MACROD2: variants seen among roughly 807,000 people sequenced by gnomAD.
MACROD2 encodes the protein ADP-ribose glycohydrolase MACROD2.
MACROD2 carries 36 observed loss-of-function variants against 70.4 expected under a neutral mutation model. The observed-to-expected ratio is 0.51, with a 90% CI of 0.39 to 0.68. The LOEUF (loss-of-function observed/expected upper bound fraction) is 0.68, where lower values mean the gene tolerates loss of function less well. Among genes scored for constraint, MACROD2 ranks in the 30% least tolerant of loss-of-function variants. MACROD2 has a pLI of 0.00. For missense variants in MACROD2, 496 were observed against 538.4 expected, an observed-to-expected ratio of 0.92 and a Z score of 0.78; for synonymous variants, 172 against 178.8, an observed-to-expected ratio of 0.96 and a Z score of 0.30.
chr20:15,618,871 A>G (rs151297565), intron 8 of MACROD2, among the ~76,000 whole-genome samples: 6,042 of 152,300 alleles, frequency 0.04, 199 homozygotes, highest in African/African-American at 0.084. Context: ...GAGTTTTATT[A>G]TTCAAATCAG....
intron 3 of MACROD2, among the ~76,000 whole-genome samples, chr20:14,130,989 A>G (rs2054711394): frequency 6.7e-6 from 1 of 148,604 alleles, no homozygotes; most frequent in Admixed American, 6.7e-5. Flanking sequence ...AAGTAGCTCA[A>G]TCATAGCTTA....
chr20:15,265,407 G>A (rs2090535499), intron 6 of MACROD2, among the ~76,000 whole-genome samples: 1 of 152,188 alleles, frequency 6.6e-6, no homozygotes, highest in Non-Finnish European at 1.5e-5. Context: ...AGTGGGTTCT[G>A]TGCACCTCGA....
chr20:14,067,063 G>A (rs1475274780), intron 2 of MACROD2, among the ~76,000 whole-genome samples: 1 of 150,558 alleles, frequency 6.6e-6, no homozygotes, highest in African/African-American at 2.4e-5. Context: ...CGCCCGTCTC[G>A]GCCTCCCAAA....
intron 8 of MACROD2, among the ~76,000 whole-genome samples, chr20:15,538,964 T>A (rs1009278704): frequency 6.6e-5 from 10 of 152,118 alleles, no homozygotes; most frequent in African/African-American, 2.2e-4. Context: ...TGGGCATACC[T>A]AATAAATAAT....
intron 8 of MACROD2, among the ~76,000 whole-genome samples, chr20:15,777,238 A>G (rs2051736478): frequency 6.6e-6 from 1 of 152,092 alleles, no homozygotes; most frequent in African/African-American, 2.4e-5. Context: ...TGCTGTATAT[A>G]TTTACACACA....
chr20:15,242,289 A>G (rs1200849505), intron 6 of MACROD2, among the ~76,000 whole-genome samples: 1 of 152,176 alleles, frequency 6.6e-6, no homozygotes, highest in Non-Finnish European at 1.5e-5. Flanking sequence ...AGAAAATGAA[A>G]AGCTAGGTTT....
chr20:15,152,450 TTGG>T (rs1281564027), intron 5 of MACROD2, among the ~76,000 whole-genome samples: 9 of 33,484 alleles, frequency 2.7e-4, no homozygotes, highest in African/African-American at 5.4e-4. Flanking sequence ...AGATAAGAGG[TTGG>T]GGGCGTGGAA....
intron 3 of MACROD2, among the ~76,000 whole-genome samples, chr20:14,390,587 C>T (rs1469237520): frequency 2.0e-5 from 3 of 152,104 alleles, no homozygotes; most frequent in African/African-American, 4.8e-5. Context: ...AGAGATAAGA[C>T]CACACACCTT....
intron 6 of MACROD2, among the ~76,000 whole-genome samples, chr20:15,416,114 C>A (rs571418979): frequency 6.6e-6 from 1 of 152,310 alleles, no homozygotes; most frequent in Admixed American, 6.5e-5. Flanking sequence ...TATCTCCTTG[C>A]AGACTGGCTG....
intron 3 of MACROD2, among the ~76,000 whole-genome samples, chr20:14,486,513 C>CTTTTTTTTTTTTTTT (rs71335969): frequency 1.0e-5 from 1 of 97,064 alleles, no homozygotes; most frequent in Non-Finnish European, 1.9e-5. Context: ...AAATAGCCAA[C>CTTTTTTTTTTTTTTT]TTTTTATTTT....
chr20:14,268,925 A>G (rs1367047084), intron 3 of MACROD2, among the ~76,000 whole-genome samples: 1 of 152,188 alleles, frequency 6.6e-6, no homozygotes, highest in African/African-American at 2.4e-5. Context: ...TATCAACATC[A>G]TGGTTGAAAT....
At chr20:14,984,930 A>G (rs2074835081) in intron 5 of MACROD2, among the ~76,000 whole-genome samples, 1 of 152,166 alleles carries the variant, frequency 6.6e-6, no homozygotes, top group Admixed American at 6.5e-5. Context: ...TAAAAGTGAC[A>G]AAGAAGTGCA....
chr20:14,185,147 C>T (rs1217167491), intron 3 of MACROD2, among the ~76,000 whole-genome samples: 2 of 152,086 alleles, frequency 1.3e-5, no homozygotes, highest in Admixed American at 6.6e-5. Context: ...CATTGTAGTA[C>T]AGGGAAGAAT....
intron 4 of MACROD2, among the ~76,000 whole-genome samples, chr20:14,563,027 C>G (rs1266744813): frequency 6.6e-6 from 1 of 151,876 alleles, no homozygotes. Flanking sequence ...TAAAATGAGT[C>G]AGGACCTGCA....
intron 13 of MACROD2, among the ~76,000 whole-genome samples, chr20:15,982,384 C>T (rs1044691503): frequency 1.3e-5 from 2 of 152,110 alleles, no homozygotes; most frequent in African/African-American, 4.8e-5. Flanking sequence ...TGAGGAAGGT[C>T]AGTTGAAGTC....
chr20:15,622,576 T>A (rs1403618421), intron 8 of MACROD2, among the ~76,000 whole-genome samples: 1 of 152,046 alleles, frequency 6.6e-6, no homozygotes, highest in Non-Finnish European at 1.5e-5. Context: ...ACGATTCACA[T>A]CTCGGGGAGC....
At chr20:14,976,314 T>C (rs1261723766) in intron 5 of MACROD2, among the ~76,000 whole-genome samples, 3 of 152,134 alleles carry the variant, frequency 2.0e-5, no homozygotes, top group Non-Finnish European at 4.4e-5. Context: ...TGAGGGAACA[T>C]TTGTTTCTCT....
chr20:15,369,502 A>C (rs1157495301), intron 6 of MACROD2, among the ~76,000 whole-genome samples: 66 of 152,172 alleles, frequency 4.3e-4, no homozygotes, highest in Non-Finnish European at 2.9e-5. Flanking sequence ...GTTTTATCTC[A>C]ACAAAAAAGT....
intron 6 of MACROD2, among the ~76,000 whole-genome samples, chr20:15,387,552 A>C: frequency 6.9e-6 from 1 of 144,042 alleles, no homozygotes. Context: ...TCTCTCAATT[A>C]CATCTTTCTT....
Sources: gnomAD v4.1 joint callset for allele counts (sites outside exome capture counted in the v4.1 genomes callset) on GRCh38, gnomAD v4.1.1 for gene constraint, MANE v1.5 for transcripts, NCBI Gene and HGNC (gene_info 2026-07-23, HGNC 2026-07-21) for gene names.